PMPCA: variants seen among roughly 807,000 people sequenced by gnomAD.
PMPCA encodes mitochondrial-processing peptidase subunit alpha.
Under a neutral mutation model 59.3 loss-of-function variants are expected in PMPCA, and 47 were observed. The ratio of observed to expected loss-of-function variants is 0.79; its 90% CI spans 0.63 to 1.01. PMPCA has a LOEUF of 1.01. Ranked by LOEUF, PMPCA falls within the 50% of genes least tolerant of loss-of-function variation. The pLI is 0.00. For synonymous variants in PMPCA, 338 were observed against 290.3 expected (o/e 1.16, Z -1.67); for missense variants, 726 against 704.5 (o/e 1.03, Z -0.34).
In PMPCA at chr9:136,410,756, C is replaced by A. The variant is rs772722626; in HGVS notation, c.71+17C>A. ...GCGGCTGAGGTGAGCCAAAGGCGAA[C>A]CAGGCTTCGGCCTGGGGCGGGGGCG... On this transcript the variant is annotated intron_variant, in intron 1 of 12. Coordinates refer to ENST00000371717, the MANE Select transcript of PMPCA (RefSeq NM_015160.3). 2 of 1,397,104 alleles carry A rather than the reference C, an allele frequency of 1.4e-6. No individual in the cohort carries two copies. The highest frequency in any genetic ancestry group is 2.8e-5 in the East Asian group (1 of 35,918). The allele number at this position is 1,397,104 out of a possible 1,614,324, so 86.5% of individuals were successfully genotyped here. A position where few individuals can be genotyped will look rare whatever the true frequency, so the allele number is the denominator to read the frequency against.
At chr9:136,422,050 G>T (rs751528359) in intron 12 of PMPCA, 74 bp downstream of exon 12, 212 of 1,551,796 alleles carry the variant, frequency 1.4e-4, no homozygotes, top group Non-Finnish European at 1.7e-4. Context: ...TCGCCCTCCC[G>T]CAGGCCGTGG....
Position 136,412,038 on chromosome 9 carries a change from C to G in PMPCA, c.113C>G (p.Ala38Gly), listed in dbSNP as rs773174464. ...PAYRRFSSGG[A>G]YPNIPLSSPL... ...TACAGACGGTTTAGTAGTGGTGGTGCCTATCCCAACATCCCCCTCTCTTCT... is the reference window on the plus strand; with the variant it reads ...TACAGACGGTTTAGTAGTGGTGGTGGCTATCCCAACATCCCCCTCTCTTCT... Residue 38 changes from alanine to glycine, a missense_variant, in exon 2 of 13, where the codon GCC (alanine) becomes GGC (glycine). By Grantham distance (60) the Ala-to-Gly change is moderately conservative. Coordinates refer to ENST00000371717, the MANE Select transcript of PMPCA (RefSeq NM_015160.3). The G allele has an allele frequency of 6.2e-7, 1 of 1,613,236 alleles. No individual in the cohort carries two copies. The highest frequency in any genetic ancestry group is 8.5e-7 in the Non-Finnish European group (1 of 1,179,268).
chr9:136,422,392 G>A, intron 12 of PMPCA: 1 of 1,135,758 alleles, frequency 8.8e-7, no homozygotes, highest in East Asian at 6.6e-5. Context: ...AGGTTTCCGG[G>A]GCCCCCATGA....
chr9:136,418,505 T>C, intron 8 of PMPCA, 50 bp from the exon 9 acceptor site: 1 of 1,162,958 alleles, frequency 8.6e-7, no homozygotes, highest in Non-Finnish European at 1.3e-6. Context: ...CTGACGGTGC[T>C]CCTGACGTGG....
At chr9:136,410,799 C>G in intron 1 of PMPCA, 60 bp downstream of exon 1, 1 of 1,298,212 alleles carries the variant, frequency 7.7e-7, no homozygotes, top group Non-Finnish European at 9.9e-7. Flanking sequence ...TCTTTCTGGA[C>G]GCTCCGTCTT....
chr9:136,414,845 G>A (rs114108353), intron 5 of PMPCA, among the ~76,000 whole-genome samples, 198 bp downstream of exon 5: 3,391 of 152,344 alleles, frequency 0.022, 57 homozygotes, highest in Middle Eastern at 0.095. Flanking sequence ...CAGGACTTTG[G>A]GAGGCTCAGG....
chr9:136,411,963 G>A, intron 1 of PMPCA, 34 bp from the exon 2 acceptor site: 5 of 1,336,874 alleles, frequency 3.7e-6, no homozygotes, highest in Non-Finnish European at 4.3e-6. Flanking sequence ...GTTGTCTCAA[G>A]CCTGTTGTAA....
Position 136,418,653 on chromosome 9 carries a change from C to G in PMPCA, c.1089C>G (p.Leu363=). ...CCGGCAAGGGCATGTTCTCCAGGCTCTACCTCAACGTGCTCAACAGGTGGG... is the reference window on the plus strand; with the variant it reads ...CCGGCAAGGGCATGTTCTCCAGGCTGTACCTCAACGTGCTCAACAGGTGGG... The part of the protein sequence containing the change: ...GGPGKGMFSR[L]YLNVLNRHHW... The change falls in exon 9 of 13, where the codon CTC becomes CTG. Residue 363 remains leucine, a synonymous_variant. Coordinates refer to ENST00000371717, the MANE Select transcript of PMPCA (RefSeq NM_015160.3). The G allele has an allele frequency of 6.2e-7, 1 of 1,611,330 alleles. No homozygotes were observed. Among genetic ancestry groups the G allele is most frequent in the South Asian group, 1.1e-5 (1 of 91,028 alleles).
chr9:136,411,488 G>A (rs11145933), intron 1 of PMPCA: 81 of 168,618 alleles, frequency 4.8e-4, no homozygotes, highest in Non-Finnish European at 1.7e-4. Context: ...CAAAGGGCAA[G>A]CCCTGGAACG....
In PMPCA at chr9:136,416,398, T is replaced by G. The variant is rs1471653494; in HGVS notation, c.633+7T>G. ...CACCGAGATGATTCATGAAGTAAAA[T>G]GTCAAACTCGAGAATGCCCCCGCAT... On this transcript the variant is annotated splice_region_variant and intron_variant, in intron 6 of 12. Coordinates refer to ENST00000371717, the MANE Select transcript of PMPCA (RefSeq NM_015160.3). 6.2e-7 allele frequency: 1 copy of G among 1,600,790 alleles called. No individual in the cohort carries two copies. Among genetic ancestry groups the G allele is most frequent in the African/African-American group, 1.3e-5 (1 of 74,610 alleles).
At chr9:136,415,250 G>GA (rs900030511) in intron 5 of PMPCA, among the ~76,000 whole-genome samples, 4 of 151,764 alleles carry the variant, frequency 2.6e-5, no homozygotes, top group South Asian at 2.1e-4. Flanking sequence ...CCACAAAAAG[G>GA]AAAAAAAACC....
At position 136,412,071 on chromosome 9, in the gene PMPCA, C is replaced by G; in HGVS notation, c.146C>G (p.Pro49Arg). 1 of 1,613,214 alleles carries G rather than the reference C, an allele frequency of 6.2e-7. No homozygotes were observed. Among genetic ancestry groups the G allele is most frequent in the Non-Finnish European group, 8.5e-7 (1 of 1,179,182 alleles). ...YPNIPLSSPL[P>R]GVPKPVFATV... is the part of the protein sequence containing the mutation. ...AACATCCCCCTCTCTTCTCCCTTAC[C>G]TGGAGTACCCAAGCCTGTTTTTGCT... The change falls in exon 2 of 13, where the codon CCT becomes CGT. Residue 49 changes from proline to arginine, a missense_variant. Pro to Arg is a moderately radical substitution (Grantham distance 103). Coordinates refer to ENST00000371717, the MANE Select transcript of PMPCA (RefSeq NM_015160.3).
At chr9:136,422,063 G>A (rs750185414) in intron 12 of PMPCA, 87 bp downstream of exon 12, 4 of 1,549,402 alleles carry the variant, frequency 2.6e-6, no homozygotes, top group Non-Finnish European at 2.6e-6. Context: ...GGCCGTGGTG[G>A]GCCTGTGGTA....
At position 136,423,320 on chromosome 9, in the gene PMPCA, C is replaced by G. The variant is rs555488192; in HGVS notation, c.*56C>G. The G allele has an allele frequency of 9.1e-6, 14 of 1,540,242 alleles. No homozygotes were observed. Among genetic ancestry groups the G allele is most frequent in the African/African-American group, 1.4e-5 (1 of 73,184 alleles). ...GCTGCAGCTGGAGCCCGTTCCCGTG[C>G]GTGTTAGTTTGGACACGAATTTAGT... On this transcript the variant is annotated 3_prime_UTR_variant, in exon 13 of 13. Transcript: ENST00000371717.
chr9:136,422,817 G>A (rs755530460), intron 12 of PMPCA: 11 of 1,235,136 alleles, frequency 8.9e-6, no homozygotes, highest in East Asian at 3.7e-5. Context: ...CATCAGACAC[G>A]GAGCTCGCTC....
chr9:136,416,502 A>G (rs1481663809), intron 6 of PMPCA, 111 bp downstream of exon 6: 1 of 783,818 alleles, frequency 1.3e-6, no homozygotes, highest in Non-Finnish European at 2.2e-6. Context: ...TTATGGATAT[A>G]TACAGAACAT....
rs773174464 is a variant in PMPCA, at chr9:136,412,038, C to A, written c.113C>A (p.Ala38Asp). ...PAYRRFSSGG[A>D]YPNIPLSSPL... ...TACAGACGGTTTAGTAGTGGTGGTGCCTATCCCAACATCCCCCTCTCTTCT... is the reference window on the plus strand; with the variant it reads ...TACAGACGGTTTAGTAGTGGTGGTGACTATCCCAACATCCCCCTCTCTTCT... The change falls in exon 2 of 13, where the codon GCC (alanine) becomes GAC (aspartate). Residue 38 changes from alanine (A) to aspartate (D), a missense_variant. Ala to Asp is a moderately radical substitution (Grantham distance 126). Transcript: ENST00000371717. 2.5e-6 allele frequency: 4 copies of A among 1,613,230 alleles called. No individual in the cohort carries two copies. Among genetic ancestry groups the A allele is most frequent in the Non-Finnish European group, 3.4e-6 (4 of 1,179,264 alleles).
chr9:136,419,168 T>TGGC, intron 11 of PMPCA, 62 bp downstream of exon 11: 4 of 1,418,526 alleles, frequency 2.8e-6, no homozygotes, highest in Non-Finnish European at 4.0e-6. Context: ...GACAGCCACG[T>TGGC]TGTAGGAGTG....
chr9:136,422,316 G>C (rs73566918), intron 12 of PMPCA: 18 of 1,209,386 alleles, frequency 1.5e-5, no homozygotes, highest in Non-Finnish European at 1.8e-5. Context: ...TACATTGTAC[G>C]TGGAGTAGCA....
Sources: allele counts gnomAD v4.1 joint callset (sites outside exome capture counted in the v4.1 genomes callset), GRCh38; gene constraint gnomAD v4.1.1; transcripts MANE v1.5; gene names NCBI Gene and HGNC (gene_info 2026-07-23, HGNC 2026-07-21).